The following SCFD2 variants were observed in gnomAD, a reference collection of about 807,000 sequenced individuals.
SCFD2 encodes the protein sec1 family domain-containing protein 2.
Under a neutral mutation model 58.9 loss-of-function variants are expected in SCFD2, and 54 were observed. The ratio of observed to expected loss-of-function variants is 0.92; its 90% confidence interval spans 0.74 to 1.15. The LOEUF is 1.15. Among genes scored for constraint, SCFD2 ranks in the 50% most tolerant of loss-of-function variants. SCFD2 has a pLI of 0.00. For missense variants in SCFD2, 805 were observed against 836.6 expected, an observed-to-expected ratio of 0.96 and a Z score of 0.47; for synonymous variants, 321 against 335.9, an observed-to-expected ratio of 0.96 and a Z score of 0.49.
intron 4 of SCFD2, among the ~76,000 whole-genome samples, chr4:53,212,078 AC>A (rs1425352140): frequency 6.6e-6 from 1 of 151,820 alleles, no homozygotes; most frequent in Non-Finnish European, 1.5e-5. Flanking sequence ...TGGATAGTAC[AC>A]CCCCCAACCA....
chr4:52,925,339 CAT>C (rs915818417), intron 5 of SCFD2, among the ~76,000 whole-genome samples: 84 of 136,904 alleles, frequency 6.1e-4, no homozygotes, highest in African/African-American at 5.0e-4. Flanking sequence ...CTGCTAAAGC[CAT>C]ATATATATAT....
chr4:53,301,092 C>T (rs958100904), intron 3 of SCFD2, among the ~76,000 whole-genome samples: 28 of 152,078 alleles, frequency 1.8e-4, no homozygotes, highest in Non-Finnish European at 4.0e-4. Context: ...CAAGAAATAA[C>T]TAAGATCAGA....
intron 4 of SCFD2, among the ~76,000 whole-genome samples, chr4:53,257,132 C>T (rs1730669297): frequency 6.6e-6 from 1 of 151,778 alleles, no homozygotes; most frequent in South Asian, 2.1e-4. Context: ...CACACGAAGC[C>T]AAATATCACC....
Position 52,920,873 on chromosome 4 carries a change from G to GA in SCFD2, c.1562-4dup, listed in dbSNP as rs1719718957. Reference sequence around the variant, plus strand: ...CAGATTAATTGAAGAGTCCCAGTCTGAAAAAATCCAGAGATATTTTCTTGA... The same window carrying GA: ...CAGATTAATTGAAGAGTCCCAGTCTGAAAAAAATCCAGAGATATTTTCTTGA... On this transcript the variant is annotated splice_polypyrimidine_tract_variant and splice_region_variant and intron_variant, in intron 5 of 8. Transcript: ENST00000401642. 20 of 1,584,918 alleles carry GA rather than the reference G, an allele frequency of 1.3e-5. No individual in the cohort carries two copies. In the East Asian group the frequency reaches 2.8e-4, roughly 22 times the overall value.
intron 5 of SCFD2, among the ~76,000 whole-genome samples, chr4:53,062,918 C>T (rs1723556072): frequency 6.6e-6 from 1 of 152,036 alleles, no homozygotes; most frequent in Admixed American, 6.6e-5. Flanking sequence ...TACATGGAAC[C>T]CATATAATTT....
chr4:53,307,866 G>A (rs570570146), intron 3 of SCFD2, among the ~76,000 whole-genome samples: 3 of 152,024 alleles, frequency 2.0e-5, no homozygotes, highest in South Asian at 2.1e-4. Flanking sequence ...GTATACTGTT[G>A]GCAAGATACT....
At chr4:53,164,594 G>A (rs943291243) in intron 4 of SCFD2, among the ~76,000 whole-genome samples, 2 of 152,126 alleles carry the variant, frequency 1.3e-5, no homozygotes, top group Non-Finnish European at 2.9e-5. Context: ...AGGTGTTCAA[G>A]ACCAGATTGG....
intron 4 of SCFD2, among the ~76,000 whole-genome samples, chr4:53,174,682 C>T (rs1302373766): frequency 2.0e-5 from 3 of 152,144 alleles, no homozygotes; most frequent in Admixed American, 2.0e-4. Flanking sequence ...AAGAGACTTA[C>T]ATTAATGAAA....
At chr4:53,160,162 C>G (rs138199028) in intron 4 of SCFD2, among the ~76,000 whole-genome samples, 1 of 152,156 alleles carries the variant, frequency 6.6e-6, no homozygotes, top group Non-Finnish European at 1.5e-5. Context: ...AGAGAAGGGG[C>G]CAGATCATTT....
Position 53,100,585 on chromosome 4 carries a change from T to C in SCFD2, c.1561+44748A>G, listed in dbSNP as rs540215520. Among the ~76,000 whole-genome samples the C allele has an allele frequency of 1.9e-3, 283 of 152,174 alleles. 2 individuals carry two copies. Among genetic ancestry groups the C allele is most frequent in the Non-Finnish European group, 3.4e-3 (233 of 68,020 alleles). On this transcript the variant is annotated intron_variant, in intron 5 of 8. Transcript: ENST00000401642. ...ATTAGTTCTATATTACAAATTCTTA[T>C]TATTAAAAAGTTGCTTTTATAACTA...
rs946784557 is a variant in SCFD2 at position 53,365,336 on chromosome 4, A to G, written c.606T>C (p.Asp202=). The G allele has an allele frequency of 4.3e-6, 7 of 1,614,068 alleles. No homozygotes were observed. The Admixed American group carries it at 8.3e-5, about 19-fold the overall frequency. The change falls in exon 1 of 9, where the codon GAT becomes GAC. Residue 202 remains aspartate, a synonymous_variant. Transcript: ENST00000401642. This position sits in a 1 kb window ranked among gnomAD's most constrained non-coding sequence, Gnocchi z 4.3. The part of the protein sequence containing the change: ...PDKRKLGSLG[D]VDSTTLTPEL... ...CTGGGGTTAGCGTAGTGGAGTCCACATCACCCAGGCTTCCCAGCTTCCTCT... is the reference window on the plus strand; with the variant it reads ...CTGGGGTTAGCGTAGTGGAGTCCACGTCACCCAGGCTTCCCAGCTTCCTCT...
rs1254837162 is a variant in SCFD2 at position 53,012,837 on chromosome 4, T to TGTGTG, written c.1562-91968_1562-91967insCACAC. Among the ~76,000 whole-genome samples, 498 of 114,818 alleles carry TGTGTG rather than the reference T, an allele frequency of 4.3e-3. 2 individuals are homozygous for TGTGTG. Among genetic ancestry groups the TGTGTG allele is most frequent in the African/African-American group, 0.02 (479 of 24,528 alleles). 75.3% of individuals were successfully genotyped at this position (114,818 alleles called of 152,430 possible). A position where few individuals can be genotyped will look rare whatever the true frequency, so the allele number is the denominator to read the frequency against. ...TTCTGTGTGTGTGTGTGTGTGTGTG[T>TGTGTG]TTTTTTTTAAGAGAGAGAAAGCTAA... On this transcript the variant is annotated intron_variant, in intron 5 of 8. Coordinates refer to ENST00000401642, the MANE Select transcript of SCFD2 (RefSeq NM_152540.4).
intron 3 of SCFD2, among the ~76,000 whole-genome samples, chr4:53,282,988 C>A (rs1443584389): frequency 6.6e-6 from 1 of 152,138 alleles, no homozygotes; most frequent in African/African-American, 2.4e-5. Context: ...ATGAGCAACT[C>A]CAGCCTCAGA....
intron 4 of SCFD2, among the ~76,000 whole-genome samples, chr4:53,168,311 C>T (rs1472758919): frequency 9.2e-5 from 14 of 152,188 alleles, no homozygotes; most frequent in Non-Finnish European, 1.6e-4. Flanking sequence ...GACCCCTTAG[C>T]TTCAAAGGAG....
At chr4:53,242,552 T>C (rs1450542392) in intron 4 of SCFD2, among the ~76,000 whole-genome samples, 1 of 152,214 alleles carries the variant, frequency 6.6e-6, no homozygotes, top group Non-Finnish European at 1.5e-5. Flanking sequence ...GCAAGAACTC[T>C]GACCACTCAA....
chr4:53,236,387 TGTAA>T (rs940353113), intron 4 of SCFD2, among the ~76,000 whole-genome samples: 3 of 151,326 alleles, frequency 2.0e-5, no homozygotes, highest in Non-Finnish European at 2.9e-5. Flanking sequence ...ATTAAGCATA[TGTAA>T]GTGTGTGTGT....
chr4:52,956,189 C>T, intron 5 of SCFD2: 1 of 456,704 alleles, frequency 2.2e-6, no homozygotes, highest in African/African-American at 2.0e-5. Context: ...GAATGGTCAT[C>T]CCTGGAGCAG....
At chr4:53,172,222 C>A (rs966819235) in intron 4 of SCFD2, among the ~76,000 whole-genome samples, 1 of 152,010 alleles carries the variant, frequency 6.6e-6, no homozygotes, top group Non-Finnish European at 1.5e-5. Flanking sequence ...CCAGGATGGT[C>A]TCAATCTCCT....
intron 5 of SCFD2, among the ~76,000 whole-genome samples, chr4:53,095,974 GT>G (rs1724617181): frequency 6.6e-6 from 1 of 152,044 alleles, no homozygotes; most frequent in South Asian, 2.1e-4. Flanking sequence ...GCGGTGTTTG[GT>G]TTTTTGTCCT....
Sources: gnomAD v4.1 joint callset for allele counts (sites outside exome capture counted in the v4.1 genomes callset) on GRCh38, gnomAD v4.1.1 for gene constraint, Gnocchi (gnomAD v3.1) non-coding constraint, MANE v1.5 for transcripts, NCBI Gene and HGNC (gene_info 2026-07-23, HGNC 2026-07-21) for gene names.